The following ADAMTSL1 variants were observed in gnomAD, a reference collection of about 807,000 sequenced individuals.
ADAMTSL1 encodes the protein ADAMTS-like protein 1.
ADAMTSL1 carries 126 observed loss-of-function variants against 201.8 expected under a neutral mutation model. The observed-to-expected ratio is 0.62, with a 90% CI of 0.54 to 0.72. ADAMTSL1 has a LOEUF of 0.72. ADAMTSL1 is among the 30% of genes least tolerant of loss of function. ADAMTSL1 has a pLI of 0.00. For missense variants in ADAMTSL1, 2,679 were observed against 2,277.8 expected (o/e 1.18, Z -3.59); for synonymous variants, 1,121 against 903.4 (o/e 1.24, Z -4.32).
chr9:18,618,090 C>T (rs145235518), intron 4 of ADAMTSL1, among the ~76,000 whole-genome samples: 77 of 152,258 alleles, frequency 5.1e-4, no homozygotes, highest in African/African-American at 1.7e-3. Context: ...TAATTAACAT[C>T]GGTGTACTTG....
chr9:18,227,423 G>A (rs999730040), intron 2 of ADAMTSL1, among the ~76,000 whole-genome samples: 3 of 152,140 alleles, frequency 2.0e-5, no homozygotes, highest in African/African-American at 7.2e-5. Flanking sequence ...TACATTCAGA[G>A]TGTTCCTCTA....
intron 17 of ADAMTSL1, among the ~76,000 whole-genome samples, chr9:18,775,540 TCA>T (rs1820925368): frequency 6.6e-6 from 1 of 152,130 alleles, no homozygotes; most frequent in African/African-American, 2.4e-5. Flanking sequence ...TCAGGAAACC[TCA>T]GAGTAGAAAA....
intron 1 of ADAMTSL1, among the ~76,000 whole-genome samples, chr9:18,134,613 A>G (rs1347112193): frequency 6.6e-6 from 1 of 152,186 alleles, no homozygotes; most frequent in Non-Finnish European, 1.5e-5. Flanking sequence ...CACATTTGAC[A>G]CTGAAGAAGT....
At chr9:18,096,560 G>C (rs758423910) in intron 1 of ADAMTSL1, among the ~76,000 whole-genome samples, 1 of 152,170 alleles carries the variant, frequency 6.6e-6, no homozygotes, top group East Asian at 1.9e-4. Context: ...TTTTGGTTAC[G>C]TGAAGCATGT....
intron 7 of ADAMTSL1, among the ~76,000 whole-genome samples, chr9:18,639,635 A>G (rs1827323240): frequency 6.6e-6 from 1 of 152,084 alleles, no homozygotes; most frequent in South Asian, 2.1e-4. Context: ...AATTAATACA[A>G]TCTTTATTAT....
intron 20 of ADAMTSL1, among the ~76,000 whole-genome samples, chr9:18,800,491 T>C (rs1822725565): frequency 6.7e-6 from 1 of 150,004 alleles, no homozygotes; most frequent in Non-Finnish European, 1.5e-5. Context: ...GATTTCAATA[T>C]CTGATAGAAT....
At chr9:18,883,446 C>CATAAAATTTACAATTTCAACTCTTTT (rs1828663748) in intron 23 of ADAMTSL1, among the ~76,000 whole-genome samples, 1 of 152,172 alleles carries the variant, frequency 6.6e-6, no homozygotes, top group African/African-American at 2.4e-5. Flanking sequence ...GTAAGAGATA[C>CATAAAATTTACAATTTCAACTCTTTT]ATAAAATTTA....
At chr9:18,352,275 A>G (rs1836002100) in intron 2 of ADAMTSL1, among the ~76,000 whole-genome samples, 1 of 152,208 alleles carries the variant, frequency 6.6e-6, no homozygotes, top group Non-Finnish European at 1.5e-5. Flanking sequence ...TGAATTGTAC[A>G]GGATTTCAGG....
intron 23 of ADAMTSL1, among the ~76,000 whole-genome samples, chr9:18,838,515 A>AAAATAAAT (rs145645151): frequency 5.3e-5 from 8 of 151,912 alleles, no homozygotes; most frequent in Middle Eastern, 3.4e-3. Context: ...CTCCAGTTTA[A>AAAATAAAT]AAATAAATAA....
chr9:18,093,082 A>T (rs1413556437), intron 1 of ADAMTSL1, among the ~76,000 whole-genome samples: 2 of 152,210 alleles, frequency 1.3e-5, no homozygotes, highest in Non-Finnish European at 2.9e-5. Flanking sequence ...TTGGCAGTTA[A>T]TGGTCATTCA....
At chr9:18,622,848 G>A (rs1587727512) in intron 5 of ADAMTSL1, among the ~76,000 whole-genome samples, 3 of 152,118 alleles carry the variant, frequency 2.0e-5, no homozygotes, top group Non-Finnish European at 2.9e-5. Context: ...CAGTGATTAC[G>A]TGACGTTTTG....
At chr9:18,193,602 A>C (rs545932269) in intron 2 of ADAMTSL1, among the ~76,000 whole-genome samples, 11 of 152,140 alleles carry the variant, frequency 7.2e-5, no homozygotes, top group Non-Finnish European at 1.5e-4. Context: ...AAAGGAAGAG[A>C]GGAAAATAGA....
At chr9:18,305,630 G>T (rs1049555810) in intron 2 of ADAMTSL1, among the ~76,000 whole-genome samples, 2 of 152,216 alleles carry the variant, frequency 1.3e-5, no homozygotes, top group African/African-American at 4.8e-5. Flanking sequence ...GCTCAGCAAA[G>T]CCACTGTAGC....
At chr9:18,293,806 A>C (rs541298067) in intron 2 of ADAMTSL1, among the ~76,000 whole-genome samples, 6 of 152,324 alleles carry the variant, frequency 3.9e-5, no homozygotes, top group African/African-American at 1.4e-4. Flanking sequence ...TAGAGACTGC[A>C]TGAGTTTCTT....
At chr9:18,279,031 C>T (rs62548566) in intron 2 of ADAMTSL1, among the ~76,000 whole-genome samples, 23,488 of 151,844 alleles carry the variant, frequency 0.15, 2,513 homozygotes, top group Admixed American at 0.37. Context: ...TTTATGATTT[C>T]TCCCTCTTTA....
At chr9:17,962,840 G>C (rs1817811967) in intron 1 of ADAMTSL1, among the ~76,000 whole-genome samples, 2 of 152,206 alleles carry the variant, frequency 1.3e-5, no homozygotes. Flanking sequence ...TTATTTCATG[G>C]GTTGAACAGT....
intron 26 of ADAMTSL1, among the ~76,000 whole-genome samples, chr9:18,893,173 G>A (rs1249906671): frequency 1.3e-5 from 2 of 151,912 alleles, no homozygotes; most frequent in East Asian, 3.8e-4. Flanking sequence ...CTTTGCCAGG[G>A]GGAATATCGT....
chr9:18,272,933 AT>A (rs1832438135), intron 2 of ADAMTSL1, among the ~76,000 whole-genome samples: 1 of 152,214 alleles, frequency 6.6e-6, no homozygotes, highest in South Asian at 2.1e-4. Context: ...TTAGTATATT[AT>A]TTTTAATGGG....
intron 26 of ADAMTSL1, 74 bp downstream of exon 26, chr9:18,892,670 T>C: frequency 2.7e-6 from 4 of 1,455,580 alleles, no homozygotes; most frequent in Non-Finnish European, 3.7e-6. Context: ...GGAAGTGAAA[T>C]GCTATCACTG....
Sources: allele counts gnomAD v4.1 joint callset (sites outside exome capture counted in the v4.1 genomes callset), GRCh38; gene constraint gnomAD v4.1.1; transcripts MANE v1.5; gene names NCBI Gene and HGNC (gene_info 2026-07-23, HGNC 2026-07-21).